Variants in FANCB observed in about 807,000 individuals in gnomAD.
FANCB encodes Fanconi anemia group B protein.
A neutral mutation model predicts 38.9 loss-of-function variants in FANCB; 5 were observed. That is an observed-to-expected ratio of 0.13 (90% CI 0.07 to 0.27). The LOEUF is 0.27. FANCB is among the 10% of genes least tolerant of loss of function. The probability of loss-of-function intolerance (pLI) is 1.00; values close to 1 mark genes in which losing one functional copy is unlikely to be tolerated. For missense variants in FANCB, 573 were observed against 602.7 expected (o/e 0.95, Z 0.52); for synonymous variants, 236 against 215.4 (o/e 1.10, Z -0.84).
At chrX:14,763,313 T>A in the FANCB span, among the ~76,000 whole-genome samples, 1 of 112,210 alleles carries the variant, frequency 8.9e-6, no homozygotes, top group African/African-American at 3.2e-5. Flanking sequence ...ATGTGGTATC[T>A]TCTAAAAAGG....
chrX:14,796,049 G>T, the FANCB span, among the ~76,000 whole-genome samples: 1 of 111,623 alleles, frequency 9.0e-6, no homozygotes, highest in African/African-American at 3.3e-5. Context: ...GAAGACTAAG[G>T]CCATGGTCCT....
the FANCB span, among the ~76,000 whole-genome samples, chrX:14,754,435 A>T: frequency 1.3e-3 from 145 of 112,584 alleles, 1 homozygote; most frequent in Middle Eastern, 4.6e-3. Flanking sequence ...AAAGCAATAA[A>T]TGTTACTTTT....
chrX:14,711,533 T>C, the FANCB span, among the ~76,000 whole-genome samples: 2 of 112,046 alleles, frequency 1.8e-5, no homozygotes, highest in African/African-American at 6.5e-5. Flanking sequence ...CCCTGAGAAA[T>C]TGAGAACACT....
the FANCB span, among the ~76,000 whole-genome samples, chrX:14,769,105 T>C: frequency 9.0e-6 from 1 of 111,592 alleles, no homozygotes; most frequent in Admixed American, 9.6e-5. Flanking sequence ...ATCAAGGATA[T>C]TGGCCTGAAG....
the FANCB span, among the ~76,000 whole-genome samples, chrX:14,707,784 G>A: frequency 0.21 from 23,119 of 107,955 alleles, 2,178 homozygotes; most frequent in Non-Finnish European, 0.3. Context: ...GCACGCGCGC[G>A]TGTTGCATGC....
the FANCB span, among the ~76,000 whole-genome samples, chrX:14,733,695 G>A: frequency 1.8e-5 from 2 of 112,078 alleles, no homozygotes; most frequent in African/African-American, 6.5e-5. Flanking sequence ...AGGAATGCTT[G>A]TGATTTTTGC....
chrX:14,861,438 A>C (rs2092446450), intron 3 of FANCB, among the ~76,000 whole-genome samples: 1 of 111,367 alleles, frequency 9.0e-6, no homozygotes, highest in African/African-American at 3.3e-5. Context: ...CTATCTTTGT[A>C]AGCTGGCTTA....
the FANCB span, among the ~76,000 whole-genome samples, chrX:14,742,633 C>G: frequency 8.9e-6 from 1 of 111,930 alleles, no homozygotes; most frequent in African/African-American, 3.2e-5. Flanking sequence ...CTAATGATGC[C>G]ATTCAGAACC....
the FANCB span, among the ~76,000 whole-genome samples, chrX:14,810,773 C>G: frequency 9.0e-6 from 1 of 111,685 alleles, no homozygotes; most frequent in Non-Finnish European, 1.9e-5. Flanking sequence ...CTTCCCCAAT[C>G]TAGCAAGGCA....
At chrX:14,783,438 A>G in the FANCB span, among the ~76,000 whole-genome samples, 2 of 112,105 alleles carry the variant, frequency 1.8e-5, no homozygotes, top group Non-Finnish European at 3.8e-5. Flanking sequence ...CAGTTCTCCT[A>G]TCCTTGCTTA....
At chrX:14,695,728 T>C in the FANCB span, among the ~76,000 whole-genome samples, 1 of 111,872 alleles carries the variant, frequency 8.9e-6, no homozygotes, top group Non-Finnish European at 1.9e-5. Context: ...CCAATTATGA[T>C]AGGATGTAGG....
the FANCB span, among the ~76,000 whole-genome samples, chrX:14,777,979 A>C: frequency 8.9e-6 from 1 of 111,960 alleles, no homozygotes; most frequent in African/African-American, 3.2e-5. Flanking sequence ...AAATTCTTAC[A>C]TTTGGAATGT....
At chrX:14,752,980 GACACACACACACACACACACACAC>G in the FANCB span, among the ~76,000 whole-genome samples, 21 of 68,486 alleles carry the variant, frequency 3.1e-4, no homozygotes, top group Non-Finnish European at 5.3e-4. Context: ...CTCTCTCTCT[GACACACACACACACACACACACAC>G]ACACACACAC....
the FANCB span, among the ~76,000 whole-genome samples, chrX:14,824,147 C>T: frequency 1.8e-5 from 2 of 111,758 alleles, no homozygotes; most frequent in African/African-American, 3.3e-5. Flanking sequence ...ATCCCTTGTG[C>T]ACCCACTTTC....
chrX:14,690,205 A>C, the FANCB span, among the ~76,000 whole-genome samples: 1 of 112,075 alleles, frequency 8.9e-6, no homozygotes, highest in Non-Finnish European at 1.9e-5. Flanking sequence ...CAATTTAAAA[A>C]ATAGAAGTGA....
At chrX:14,795,652 T>C in the FANCB span, among the ~76,000 whole-genome samples, 2 of 112,219 alleles carry the variant, frequency 1.8e-5, no homozygotes, top group Non-Finnish European at 3.8e-5. Flanking sequence ...GTTTAATGAC[T>C]TCTATTATTT....
At chrX:14,702,350 C>A in the FANCB span, among the ~76,000 whole-genome samples, 1 of 111,994 alleles carries the variant, frequency 8.9e-6, no homozygotes, top group African/African-American at 3.2e-5. Flanking sequence ...CAGGAAAATG[C>A]TGCTTCAGCA....
the FANCB span, among the ~76,000 whole-genome samples, chrX:14,766,533 A>C: frequency 3.0e-4 from 34 of 112,055 alleles, no homozygotes; most frequent in South Asian, 1.1e-3. Context: ...TATTAATATA[A>C]TTCTAATAAT....
At chrX:14,708,214 C>T in the FANCB span, among the ~76,000 whole-genome samples, 2 of 111,621 alleles carry the variant, frequency 1.8e-5, no homozygotes, top group Admixed American at 9.5e-5. Flanking sequence ...CTACTCTCTG[C>T]TTCTGTGAGT....
Sources: allele counts gnomAD v4.1 joint callset (sites outside exome capture counted in the v4.1 genomes callset), GRCh38; gene constraint gnomAD v4.1.1; transcripts MANE v1.5; gene names NCBI Gene and HGNC (gene_info 2026-07-23, HGNC 2026-07-21).